The following RAB10 variants were observed in gnomAD, a reference collection of about 807,000 sequenced individuals.
RAB10 encodes ras-related protein Rab-10.
A neutral mutation model predicts 25.7 loss-of-function variants in RAB10; 5 were observed. The observed-to-expected ratio is 0.19, with a 90% CI of 0.10 to 0.41. The LOEUF (loss-of-function observed/expected upper bound fraction) is 0.41, where lower values mean the gene tolerates loss of function less well. Ranked by LOEUF, RAB10 falls within the 10% of genes least tolerant of loss-of-function variation. The pLI is 1.00. For synonymous variants in RAB10, 89 were observed against 86.4 expected (o/e 1.03, Z -0.16); for missense variants, 103 against 245.8 (o/e 0.42, Z 3.89).
chr2:26,095,404 G>A (rs1206422841), intron 1 of RAB10, among the ~76,000 whole-genome samples: 1 of 152,036 alleles, frequency 6.6e-6, no homozygotes, highest in Non-Finnish European at 1.5e-5. Context: ...TCAGGAGATC[G>A]AGACCATCCT....
At chr2:26,126,680 AG>A (rs1165199067) in intron 3 of RAB10, among the ~76,000 whole-genome samples, 4 of 152,198 alleles carry the variant, frequency 2.6e-5, no homozygotes, top group Non-Finnish European at 5.9e-5. Flanking sequence ...TGGGATCTTA[AG>A]GGGACAACCA....
intron 1 of RAB10, among the ~76,000 whole-genome samples, chr2:26,058,988 T>G (rs576754263): frequency 3.3e-5 from 5 of 152,298 alleles, no homozygotes; most frequent in Admixed American, 2.6e-4. Flanking sequence ...CCTCTATATC[T>G]CCCTAGGACA....
At chr2:26,117,581 C>T (rs1667716312) in intron 3 of RAB10, among the ~76,000 whole-genome samples, 1 of 148,324 alleles carries the variant, frequency 6.7e-6, no homozygotes, top group Non-Finnish European at 1.5e-5. Flanking sequence ...TGCCACTGCA[C>T]TCCGCTCCAG....
chr2:26,128,846 G>A (rs368501283), intron 5 of RAB10, among the ~76,000 whole-genome samples: 2 of 8,476 alleles, frequency 2.4e-4, no homozygotes, highest in Non-Finnish European at 6.5e-4. Flanking sequence ...TAAGTAACAT[G>A]TAGTCAAATT....
At chr2:26,104,270 G>A (rs1408847785) in intron 2 of RAB10, among the ~76,000 whole-genome samples, 1 of 152,178 alleles carries the variant, frequency 6.6e-6, no homozygotes, top group Non-Finnish European at 1.5e-5. Context: ...TAGCCATCCT[G>A]TGGTGGTGGG....
rs779226465 is a variant in RAB10 at position 26,100,842 on chromosome 2, A to AT, written c.188+2135dup. Among the ~76,000 whole-genome samples, 1,170 of 143,842 alleles carry AT rather than the reference A, an allele frequency of 8.1e-3. 6 individuals are homozygous for AT. Among genetic ancestry groups the AT allele is most frequent in the Non-Finnish European group, 0.011 (710 of 65,178 alleles). 94.4% of individuals were successfully genotyped at this position (143,842 alleles called of 152,430 possible). ...AAATTATGTTTGTCTTCATTCAAGG[A>AT]TTTTTTTTTTTTTTTCCCAAAAGTA... On this transcript the variant is annotated intron_variant, in intron 2 of 5. Transcript: ENST00000264710.
At chr2:26,106,665 CA>C (rs2149282840) in intron 2 of RAB10, among the ~76,000 whole-genome samples, 1 of 152,122 alleles carries the variant, frequency 6.6e-6, no homozygotes, top group Non-Finnish European at 1.5e-5. Flanking sequence ...GCGGGTGGAT[CA>C]TCTGAGGTCA....
At chr2:26,107,151 C>G (rs376797140) in intron 2 of RAB10, among the ~76,000 whole-genome samples, 2 of 148,374 alleles carry the variant, frequency 1.3e-5, no homozygotes, top group Non-Finnish European at 3.0e-5. Flanking sequence ...GAGGCTGAGG[C>G]AGGAGAATCT....
At chr2:26,036,353 G>C (rs1434189272) in intron 1 of RAB10, among the ~76,000 whole-genome samples, 4 of 152,134 alleles carry the variant, frequency 2.6e-5, no homozygotes, top group African/African-American at 9.7e-5. Context: ...AGGCTTACGT[G>C]GAGATGATAC....
chr2:26,067,963 T>C (rs1666547005), intron 1 of RAB10, among the ~76,000 whole-genome samples: 1 of 152,166 alleles, frequency 6.6e-6, no homozygotes, highest in Admixed American at 6.5e-5. Context: ...GGGGGGTTGA[T>C]ATATGTTCAT....
At chr2:26,114,009 ATACT>A (rs1342687681) in intron 3 of RAB10, among the ~76,000 whole-genome samples, 2 of 152,200 alleles carry the variant, frequency 1.3e-5, no homozygotes, top group Non-Finnish European at 2.9e-5. Context: ...AAGGCAAAAA[ATACT>A]TAGGAGTAAA....
At chr2:26,053,343 A>T (rs1156881978) in intron 1 of RAB10, among the ~76,000 whole-genome samples, 2 of 152,228 alleles carry the variant, frequency 1.3e-5, no homozygotes, top group Non-Finnish European at 1.5e-5. Context: ...TAAAGGAGAC[A>T]GCTTTAATTT....
intron 5 of RAB10, among the ~76,000 whole-genome samples, chr2:26,128,379 G>A (rs1044589150): frequency 1.6e-4 from 24 of 152,320 alleles, no homozygotes; most frequent in Admixed American, 9.8e-4. Flanking sequence ...ACCGGTAAGA[G>A]TCCACAGCCC....
At chr2:26,059,932 T>TA (rs1403301862) in intron 1 of RAB10, among the ~76,000 whole-genome samples, 1 of 152,220 alleles carries the variant, frequency 6.6e-6, no homozygotes, top group African/African-American at 2.4e-5. Flanking sequence ...GGGTTTTTTT[T>TA]ACCACAATAA....
At chr2:26,049,483 A>G (rs1034232873) in intron 1 of RAB10, among the ~76,000 whole-genome samples, 1 of 148,074 alleles carries the variant, frequency 6.8e-6, no homozygotes, top group Non-Finnish European at 1.5e-5. Context: ...ATCTCTGCTC[A>G]CTGCAACCTC....
chr2:26,087,638 G>A (rs1366500770), intron 1 of RAB10, among the ~76,000 whole-genome samples: 2 of 152,184 alleles, frequency 1.3e-5, no homozygotes, highest in African/African-American at 2.4e-5. Flanking sequence ...CTGACCTCAG[G>A]TGATCTGCCC....
intron 1 of RAB10, among the ~76,000 whole-genome samples, chr2:26,088,837 C>G (rs1370882560): frequency 1.3e-5 from 2 of 151,964 alleles, no homozygotes; most frequent in Non-Finnish European, 2.9e-5. Context: ...GTTGGCAAGA[C>G]TGGTCTCGAA....
intron 1 of RAB10, among the ~76,000 whole-genome samples, chr2:26,044,664 A>G (rs1447000290): frequency 2.0e-5 from 3 of 150,028 alleles, no homozygotes; most frequent in African/African-American, 7.4e-5. Flanking sequence ...TCCTGCCTCA[A>G]CCTCCCGAGT....
intron 3 of RAB10, among the ~76,000 whole-genome samples, chr2:26,114,737 C>CAAAAAAAAAAAAAAA (rs58252306): frequency 5.9e-4 from 39 of 66,038 alleles, no homozygotes; most frequent in African/African-American, 2.1e-3. Flanking sequence ...CAAAAATATA[C>CAAAAAAAAAAAAAAA]AAAAAAAAAA....
Sources: allele counts gnomAD v4.1 joint callset (sites outside exome capture counted in the v4.1 genomes callset), GRCh38; gene constraint gnomAD v4.1.1; transcripts MANE v1.5; gene names NCBI Gene and HGNC (gene_info 2026-07-23, HGNC 2026-07-21).